The following CARMIL1 variants were observed in gnomAD, a reference collection of about 807,000 sequenced individuals.
CARMIL1 encodes F-actin-uncapping protein LRRC16A.
In CARMIL1, 90 loss-of-function variants were observed where a neutral mutation model predicts 177.1. The observed-to-expected ratio is 0.51, with a 90% CI of 0.43 to 0.61. The LOEUF is 0.61. Among genes scored for constraint, CARMIL1 ranks in the 20% least tolerant of loss-of-function variants. The probability of loss-of-function intolerance (pLI) is 0.00; values close to 1 mark genes in which losing one functional copy is unlikely to be tolerated. For synonymous variants in CARMIL1, 577 were observed against 606.2 expected, an observed-to-expected ratio of 0.95 and a Z score of 0.71; for missense variants, 1,380 against 1,667.0, an observed-to-expected ratio of 0.83 and a Z score of 3.00.
At chr6:25,354,991 G>A (rs769912196) in intron 2 of CARMIL1, among the ~76,000 whole-genome samples, 5 of 152,106 alleles carry the variant, frequency 3.3e-5, no homozygotes, top group South Asian at 2.1e-4. Context: ...TCAAGCTGGC[G>A]AGTCTACTGA....
intron 29 of CARMIL1, among the ~76,000 whole-genome samples, chr6:25,566,565 C>T (rs998449962): frequency 6.6e-6 from 1 of 152,214 alleles, no homozygotes; most frequent in African/African-American, 2.4e-5. Flanking sequence ...CCAGTCACCT[C>T]GCATATTATA....
chr6:25,514,929 C>CA (rs34908768), intron 20 of CARMIL1, among the ~76,000 whole-genome samples: 102 of 133,938 alleles, frequency 7.6e-4, no homozygotes, highest in Middle Eastern at 3.8e-3. Flanking sequence ...GACCCTGTCT[C>CA]AAAAAAAAAA....
chr6:25,555,341 T>C (rs906965262), intron 28 of CARMIL1, among the ~76,000 whole-genome samples: 2 of 152,104 alleles, frequency 1.3e-5, no homozygotes, highest in African/African-American at 4.8e-5. Flanking sequence ...GAGCTCCTGA[T>C]TCAGCCTTTT....
At chr6:25,547,173 A>C (rs1400758703) in intron 26 of CARMIL1, among the ~76,000 whole-genome samples, 1 of 152,204 alleles carries the variant, frequency 6.6e-6, no homozygotes, top group Non-Finnish European at 1.5e-5. Context: ...GACTTTAAGG[A>C]AATTCTAAAA....
chr6:25,575,278 T>C (rs1302329645), intron 29 of CARMIL1, among the ~76,000 whole-genome samples: 2 of 152,206 alleles, frequency 1.3e-5, no homozygotes, highest in Non-Finnish European at 2.9e-5. Flanking sequence ...GAACTATTAA[T>C]CTTCCTTCTA....
intron 2 of CARMIL1, among the ~76,000 whole-genome samples, chr6:25,287,071 T>C (rs1395314438): frequency 6.6e-6 from 1 of 152,228 alleles, no homozygotes; most frequent in South Asian, 2.1e-4. Flanking sequence ...AAGGTCTGGC[T>C]TTCTTTGACA....
At chr6:25,424,752 G>C (rs940349198) in intron 3 of CARMIL1, among the ~76,000 whole-genome samples, 8 of 152,274 alleles carry the variant, frequency 5.3e-5, no homozygotes, top group Admixed American at 4.6e-4. Context: ...CTTTATAGTT[G>C]GGGGAGGGGT....
In CARMIL1 at chr6:25,279,565, A is replaced by C; in HGVS notation, c.-231A>C. 1.7e-6 allele frequency: 1 copy of C among 583,478 alleles called. No individual in the cohort carries two copies. Among genetic ancestry groups the C allele is most frequent in the Non-Finnish European group, 3.1e-6 (1 of 326,706 alleles). 36.1% of individuals were successfully genotyped at this position (583,478 alleles called of 1,614,324 possible). On this transcript the variant is annotated 5_prime_UTR_variant, in exon 1 of 37. Coordinates refer to ENST00000329474, the MANE Select transcript of CARMIL1 (RefSeq NM_017640.6). ...TATTCAGCCGCCGGGAACTGCGAGGAGGCGTCATGTAGCAGCAGCAGCAAA... is the reference window on the plus strand; with the variant it reads ...TATTCAGCCGCCGGGAACTGCGAGGCGGCGTCATGTAGCAGCAGCAGCAAA...
chr6:25,606,352 T>C, intron 35 of CARMIL1, 79 bp downstream of exon 35: 2 of 1,352,448 alleles, frequency 1.5e-6, no homozygotes, highest in East Asian at 4.9e-5. Context: ...CTGCAGGTGG[T>C]TTCAGGGGCA....
At chr6:25,318,615 G>A (rs1784448593) in intron 2 of CARMIL1, among the ~76,000 whole-genome samples, 1 of 152,140 alleles carries the variant, frequency 6.6e-6, no homozygotes, top group African/African-American at 2.4e-5. Flanking sequence ...TAGAGGAGAG[G>A]CGGGCTGAAC....
chr6:25,373,528 C>T (rs1790644291), intron 2 of CARMIL1, among the ~76,000 whole-genome samples: 1 of 150,204 alleles, frequency 6.7e-6, no homozygotes, highest in African/African-American at 2.5e-5. Flanking sequence ...TCATAGCAGT[C>T]TTGAATGATC....
intron 2 of CARMIL1, among the ~76,000 whole-genome samples, chr6:25,337,901 G>C (rs543027731): frequency 6.6e-6 from 1 of 152,180 alleles, no homozygotes; most frequent in East Asian, 1.9e-4. Context: ...TAGTGGCCGG[G>C]CATGGTGGGC....
intron 26 of CARMIL1, among the ~76,000 whole-genome samples, chr6:25,541,176 G>A (rs1374787385): frequency 6.6e-6 from 1 of 152,086 alleles, no homozygotes; most frequent in African/African-American, 2.4e-5. Flanking sequence ...TTTGTGAAAT[G>A]TTTAAACAAT....
chr6:25,324,763 T>TGGA (rs1784938897), intron 2 of CARMIL1, among the ~76,000 whole-genome samples: 2 of 152,050 alleles, frequency 1.3e-5, no homozygotes, highest in Non-Finnish European at 2.9e-5. Context: ...TGATGGGTGC[T>TGGA]GTTGGAGATA....
At chr6:25,310,633 A>G (rs1783732466) in intron 2 of CARMIL1, among the ~76,000 whole-genome samples, 1 of 152,180 alleles carries the variant, frequency 6.6e-6, no homozygotes, top group South Asian at 2.1e-4. Flanking sequence ...GGATTTTTTA[A>G]AAGGAGATTA....
chr6:25,297,450 C>G (rs945178636), intron 2 of CARMIL1, among the ~76,000 whole-genome samples: 10 of 152,154 alleles, frequency 6.6e-5, no homozygotes, highest in Non-Finnish European at 1.5e-4. Context: ...GCACTTAACC[C>G]TCTATCATTT....
intron 2 of CARMIL1, among the ~76,000 whole-genome samples, chr6:25,315,897 GC>G (rs1490088223): frequency 6.6e-6 from 1 of 152,148 alleles, no homozygotes; most frequent in East Asian, 1.9e-4. Context: ...CAAAATCTCA[GC>G]CCCTCCCAGG....
intron 8 of CARMIL1, among the ~76,000 whole-genome samples, chr6:25,459,267 T>TTTCTTTCTTTCTTTCTTTCTTTC (rs1491449277): frequency 1.8e-5 from 2 of 109,476 alleles, no homozygotes; most frequent in Non-Finnish European, 3.8e-5. Flanking sequence ...TCTTTCTTTC[T>TTTCTTTCTTTCTTTCTTTCTTTC]TTTTTTTTTT....
intron 2 of CARMIL1, among the ~76,000 whole-genome samples, chr6:25,303,120 A>G (rs1461882538): frequency 7.0e-6 from 1 of 143,138 alleles, no homozygotes; most frequent in Non-Finnish European, 1.5e-5. Context: ...GGTTATAGGC[A>G]TCTCCTTTTT....
Sources: gnomAD v4.1 joint callset for allele counts (sites outside exome capture counted in the v4.1 genomes callset) on GRCh38, gnomAD v4.1.1 for gene constraint, MANE v1.5 for transcripts, NCBI Gene and HGNC (gene_info 2026-07-23, HGNC 2026-07-21) for gene names.